DLGAP2: variants seen among roughly 807,000 people sequenced by gnomAD.
The protein encoded by DLGAP2 is DLG associated protein 2, also known as disks large-associated protein 2.
In DLGAP2, 26 loss-of-function variants were observed where a neutral mutation model predicts 100.3. The observed-to-expected ratio is 0.26, with a 90% CI of 0.19 to 0.36. The LOEUF is 0.36. Among genes scored for constraint, DLGAP2 ranks in the 10% least tolerant of loss-of-function variants. The probability of loss-of-function intolerance (pLI) is 1.00; values close to 1 mark genes in which losing one functional copy is unlikely to be tolerated. For missense variants in DLGAP2, 1,858 were observed against 1,453.2 expected (o/e 1.28, Z -4.53); for synonymous variants, 886 against 630.1 (o/e 1.41, Z -6.08).
chr8:1,128,560 AGCCTG>A (rs1796222713), intron 2 of DLGAP2, among the ~76,000 whole-genome samples: 1 of 152,218 alleles, frequency 6.6e-6, no homozygotes, highest in Non-Finnish European at 1.5e-5. Context: ...TGCACCACAC[AGCCTG>A]GGTGTGCGGC....
intron 3 of DLGAP2, among the ~76,000 whole-genome samples, chr8:1,432,161 A>T (rs539433257): frequency 6.6e-6 from 1 of 152,334 alleles, no homozygotes; most frequent in African/African-American, 2.4e-5. Context: ...TCACATACTC[A>T]TAAGGAAACA....
chr8:1,478,735 C>T (rs1457064499), intron 3 of DLGAP2, among the ~76,000 whole-genome samples: 1 of 152,186 alleles, frequency 6.6e-6, no homozygotes, highest in African/African-American at 2.4e-5. Context: ...TGGCAGCCAC[C>T]CCCACCCACC....
intron 2 of DLGAP2, among the ~76,000 whole-genome samples, chr8:1,013,420 A>G (rs2129021523): frequency 6.6e-6 from 1 of 152,278 alleles, no homozygotes; most frequent in Non-Finnish European, 1.5e-5. Flanking sequence ...CTAGGGAGAA[A>G]GATGGGAGGT....
chr8:1,197,647 C>T (rs6983125), intron 2 of DLGAP2, among the ~76,000 whole-genome samples: 8,570 of 57,046 alleles, frequency 0.15, 736 homozygotes, highest in African/African-American at 0.4. Flanking sequence ...ACCTGAGCCA[C>T]GCCAATGTGG....
intron 2 of DLGAP2, among the ~76,000 whole-genome samples, chr8:1,244,184 AC>A (rs1373027455): frequency 6.6e-6 from 1 of 152,234 alleles, no homozygotes; most frequent in East Asian, 1.9e-4. Flanking sequence ...TGAGTGCGAT[AC>A]GGTTAGAGTG....
At chr8:1,676,985 C>T (rs1258059607) in intron 11 of DLGAP2, among the ~76,000 whole-genome samples, 1 of 152,178 alleles carries the variant, frequency 6.6e-6, no homozygotes. Flanking sequence ...CAGCAAAGCA[C>T]GTTCAAGGCC....
intron 8 of DLGAP2, among the ~76,000 whole-genome samples, chr8:1,666,217 C>T (rs546141467): frequency 9.9e-5 from 15 of 152,156 alleles, no homozygotes; most frequent in Admixed American, 5.9e-4. Flanking sequence ...CATTGATTGA[C>T]GTTAGAGGGA....
intron 2 of DLGAP2, among the ~76,000 whole-genome samples, chr8:988,008 T>C (rs558144576): frequency 6.6e-6 from 1 of 152,338 alleles, no homozygotes; most frequent in East Asian, 1.9e-4. Context: ...ATGTAGCTTC[T>C]AGCACCATTG....
intron 2 of DLGAP2, among the ~76,000 whole-genome samples, chr8:1,230,372 C>G (rs1374035815): frequency 6.6e-6 from 1 of 152,100 alleles, no homozygotes. Flanking sequence ...ATGGCACAAG[C>G]AACCAAAAAC....
intron 3 of DLGAP2, among the ~76,000 whole-genome samples, chr8:1,494,652 C>T (rs1414038124): frequency 6.6e-6 from 1 of 152,026 alleles, no homozygotes; most frequent in Non-Finnish European, 1.5e-5. Flanking sequence ...TGCTTGATCC[C>T]GGGAGGTGGA....
In DLGAP2 at chr8:847,989, CT is replaced by C. The variant is rs533089505; in HGVS notation, c.19-59921del. Among the ~76,000 whole-genome samples the C allele has an allele frequency of 3.9e-5, 6 of 152,266 alleles. No individual in the cohort carries two copies. The South Asian group carries it at 1.2e-3, about 32-fold the overall frequency. Reference sequence around the variant, plus strand: ...AATGTGAATATTAAAGGGGTAAACACTTCTGCTAAGATCTTGTTTAGTGGCA... The same window carrying C: ...AATGTGAATATTAAAGGGGTAAACACTCTGCTAAGATCTTGTTTAGTGGCA... On this transcript the variant is annotated intron_variant, in intron 1 of 14. Transcript: ENST00000637795.
chr8:1,133,136 T>C (rs1451881), intron 2 of DLGAP2, among the ~76,000 whole-genome samples: 134,293 of 152,178 alleles, frequency 0.88, 59,378 homozygotes, highest in Middle Eastern at 0.92. Context: ...CTCTGGAGCA[T>C]TAGCTTCCTT....
chr8:784,322 C>G (rs1266760881), intron 1 of DLGAP2, among the ~76,000 whole-genome samples: 1 of 152,106 alleles, frequency 6.6e-6, no homozygotes, highest in Non-Finnish European at 1.5e-5. Context: ...TGTATTTTGG[C>G]TTTTATATGC....
chr8:1,143,144 T>C (rs189565975), intron 2 of DLGAP2, among the ~76,000 whole-genome samples: 3 of 152,214 alleles, frequency 2.0e-5, no homozygotes, highest in Admixed American at 6.5e-5. Context: ...CCTTTATAAA[T>C]TGGGGGAAAC....
chr8:1,105,748 G>A (rs1804738323), intron 2 of DLGAP2, among the ~76,000 whole-genome samples: 1 of 149,424 alleles, frequency 6.7e-6, no homozygotes, highest in Admixed American at 6.7e-5. Context: ...CATTCTAGGA[G>A]GGTTTTCTAC....
chr8:1,668,401 C>T lies in DLGAP2; in HGVS notation c.1883C>T (p.Ser628Leu), dbSNP rs949370630. 3 of 1,603,406 alleles carry T rather than the reference C, an allele frequency of 1.9e-6. No homozygotes were observed. Among genetic ancestry groups the T allele is most frequent in the Non-Finnish European group, 2.6e-6 (3 of 1,175,346 alleles). Residue 628 changes from serine (S) to leucine (L), a missense_variant, in exon 9 of 15, where the codon TCG (serine) becomes TTG (leucine). By Grantham distance (145) the Ser-to-Leu change is moderately radical (BLOSUM62 -2). Transcript: ENST00000637795. ...CGGACCACCTCCAAGCCTCTGATCT[C>T]GGTGACGGCGCAGAGCAGCACCGAA... ...PPRTTSKPLISVTAQSSTEST... is the reference protein window; with the variant it reads ...PPRTTSKPLILVTAQSSTEST...
At chr8:1,385,871 C>G (rs923829403) in intron 3 of DLGAP2, among the ~76,000 whole-genome samples, 2 of 152,224 alleles carry the variant, frequency 1.3e-5, no homozygotes, top group Admixed American at 6.5e-5. Context: ...GCACAGTTAC[C>G]CGGCCTGTGC....
At chr8:1,012,811 C>A (rs1801335576) in intron 2 of DLGAP2, among the ~76,000 whole-genome samples, 1 of 151,092 alleles carries the variant, frequency 6.6e-6, no homozygotes, top group African/African-American at 2.4e-5. Flanking sequence ...CTCTGACCAG[C>A]CCCCTACTTT....
intron 6 of DLGAP2, among the ~76,000 whole-genome samples, chr8:1,605,435 A>T (rs1416804140): frequency 6.6e-6 from 1 of 152,102 alleles, no homozygotes; most frequent in African/African-American, 2.4e-5. Flanking sequence ...TCTGTTCGTG[A>T]CTTGAAGGAA....
Sources: allele counts gnomAD v4.1 joint callset (sites outside exome capture counted in the v4.1 genomes callset), GRCh38; gene constraint gnomAD v4.1.1; transcripts MANE v1.5; gene names NCBI Gene and HGNC (gene_info 2026-07-23, HGNC 2026-07-21).